PSMD2: variants seen among roughly 807,000 people sequenced by gnomAD.
The protein encoded by PSMD2 is 26S proteasome non-ATPase regulatory subunit 2.
In PSMD2, 8 loss-of-function variants were observed where a neutral mutation model predicts 101.5. The observed-to-expected ratio is 0.08, with a 90% confidence interval of 0.05 to 0.14. PSMD2 has a LOEUF of 0.14. PSMD2 is among the 10% of genes least tolerant of loss of function. The pLI, the probability that PSMD2 is intolerant of heterozygous loss-of-function variation, is 1.00. For missense variants in PSMD2, 784 were observed against 1,147.4 expected, an observed-to-expected ratio of 0.68 and a Z score of 4.58; for synonymous variants, 418 against 433.8, an observed-to-expected ratio of 0.96 and a Z score of 0.45.
chr3:184,300,191 T>C, intron 2 of PSMD2, 89 bp from the exon 3 acceptor site: 1 of 1,312,632 alleles, frequency 7.6e-7, no homozygotes, highest in East Asian at 2.3e-5. Flanking sequence ...CAGCATTTCC[T>C]TGGAGGAGTT....
At position 184,300,461 on chromosome 3, in the gene PSMD2, C is replaced by G; in HGVS notation, c.357+17C>G. On this transcript the variant is annotated intron_variant, in intron 3 of 20. Transcript: ENST00000310118. ...GAGAATAAGGTAAAACTGTTTCAAA[C>G]CTGGTGGAGGCCTAGTTTAGGAATT... 2.5e-6 allele frequency: 4 copies of G among 1,608,952 alleles called. No homozygotes were observed. The highest frequency in any genetic ancestry group is 3.4e-6 in the Non-Finnish European group (4 of 1,177,296).
rs762992229 is a variant in PSMD2, at chr3:184,302,812, T to C, written c.997T>C (p.Leu333=). The part of the protein sequence containing the change: ...NVQLNSNFLA[L]ARELDIMEPK... Reference sequence around the variant, plus strand: ...ACAGCTCAACAGCAACTTCTTGGCCTTAGCTCGGGAGGTGAGACTGCCCTT... The same window carrying C: ...ACAGCTCAACAGCAACTTCTTGGCCCTAGCTCGGGAGGTGAGACTGCCCTT... Residue 333 remains leucine, a synonymous_variant, in exon 7 of 21, where the codon TTA becomes CTA. Transcript: ENST00000310118. 77 of 1,614,086 alleles carry C rather than the reference T, an allele frequency of 4.8e-5. No homozygotes were observed. Among genetic ancestry groups the C allele is most frequent in the Non-Finnish European group, 6.3e-5 (74 of 1,180,052 alleles).
At chr3:184,307,307 T>G in intron 16 of PSMD2, 50 bp from the exon 17 acceptor site, 1 of 1,592,126 alleles carries the variant, frequency 6.3e-7, no homozygotes, top group Non-Finnish European at 8.6e-7. Flanking sequence ...TGTAATGGAA[T>G]TTGTTTTTAC....
In PSMD2 at chr3:184,305,947, A is replaced by G. The variant is rs777363845; in HGVS notation, c.1702+17A>G. The stretch of plus-strand genomic sequence containing the variant: ...ACCACCTGGGTGAGGGGATGTTTCT[A>G]TTTGGGCAAAGAGCTGACAGTAACT... On this transcript the variant is annotated intron_variant, in intron 13 of 20. Coordinates refer to ENST00000310118, the MANE Select transcript of PSMD2 (RefSeq NM_002808.5). The G allele has an allele frequency of 4.3e-6, 7 of 1,613,888 alleles. No homozygotes were observed. Among genetic ancestry groups the G allele is most frequent in the South Asian group, 1.1e-5 (1 of 91,082 alleles).
In PSMD2 at chr3:184,300,292, T is replaced by A; in HGVS notation, c.205T>A (p.Ser69Thr). The part of the protein sequence containing the change: ...LVERLGEKDT[S>T]LYRPALEELR... ...GTCTCTTGATCAGGAGAAGGATACATCCCTGTATCGACCAGCGCTGGAGGA... is the reference window on the plus strand; with the variant it reads ...GTCTCTTGATCAGGAGAAGGATACAACCCTGTATCGACCAGCGCTGGAGGA... Residue 69 changes from serine (S) to threonine (T), a missense_variant, in exon 3 of 21, where the codon TCC becomes ACC. This residue lies in a region of PSMD2 where 196 missense variants were observed against 182.4 expected (regional missense o/e 1.07). Coordinates refer to ENST00000310118, the MANE Select transcript of PSMD2 (RefSeq NM_002808.5). 1.2e-6 allele frequency: 2 copies of A among 1,613,826 alleles called. No individual in the cohort carries two copies. Among genetic ancestry groups the A allele is most frequent in the South Asian group, 2.2e-5 (2 of 91,072 alleles).
In PSMD2 at chr3:184,304,110, G is replaced by T; in HGVS notation, c.1451+36G>T. 6.8e-6 allele frequency: 11 copies of T among 1,612,226 alleles called. No homozygotes were observed. Among genetic ancestry groups the T allele is most frequent in the Non-Finnish European group, 8.5e-6 (10 of 1,178,886 alleles). ...TCGCTTGTCTTTCTGGTAGTGCTCA[G>T]CCTGTACACTCTGGAGAACAGGAAC... On this transcript the variant is annotated intron_variant, in intron 11 of 20. Transcript: ENST00000310118. The surrounding 1 kb of genome is among the most constrained non-coding windows in gnomAD (Gnocchi z 4.1).
At chr3:184,300,532 G>T in intron 3 of PSMD2, 88 bp downstream of exon 3, 1 of 1,522,820 alleles carries the variant, frequency 6.6e-7, no homozygotes, top group Non-Finnish European at 8.8e-7. Context: ...GTCACAGGAA[G>T]CCTGATAGAC....
rs1721830527 is a variant in PSMD2 at position 184,306,336 on chromosome 3, C to T, written c.1805-14C>T. The T allele has an allele frequency of 1.9e-6, 3 of 1,611,726 alleles. No homozygotes were observed. The South Asian group carries it at 3.3e-5, about 18-fold the overall frequency. ...TCTCATTTCTGTCCATTCTCCCTCA[C>T]CACCCTGACGCAGGCTCTGGGAATG... On this transcript the variant is annotated splice_polypyrimidine_tract_variant and intron_variant, in intron 14 of 20. Coordinates refer to ENST00000310118, the MANE Select transcript of PSMD2 (RefSeq NM_002808.5).
In PSMD2 at chr3:184,308,029, C is replaced by T. The variant is rs895398879; in HGVS notation, c.2425+13C>T. The T allele has an allele frequency of 2.5e-6, 4 of 1,613,410 alleles. No homozygotes were observed. Among genetic ancestry groups the T allele is most frequent in the Non-Finnish European group, 3.4e-6 (4 of 1,179,962 alleles). On this transcript the variant is annotated intron_variant, in intron 19 of 20. Transcript: ENST00000310118. This position sits in a 1 kb window ranked among gnomAD's most constrained non-coding sequence, Gnocchi z 6.0. ...GATGTTCGAAACAGTGAGTTCCTGT[C>T]AGAAATTTTATATCATAGCATGCAG... is the stretch of plus-strand genomic sequence containing the variant.
chr3:184,308,998 C>A lies in PSMD2; in HGVS notation c.*108C>A. 1 of 1,169,058 alleles carries A rather than the reference C, an allele frequency of 8.6e-7. No individual in the cohort carries two copies. Among genetic ancestry groups the A allele is most frequent in the Non-Finnish European group, 1.2e-6 (1 of 821,602 alleles). The allele number at this position is 1,169,058 out of a possible 1,614,324, so 72.4% of individuals were successfully genotyped here. Reference sequence around the variant, plus strand: ...CTTCTGGGGGAATTGTCGCCTCCTGCTCTTTTGTTACTGAGTGAGATAAGG... The same window carrying A: ...CTTCTGGGGGAATTGTCGCCTCCTGATCTTTTGTTACTGAGTGAGATAAGG... On this transcript the variant is annotated 3_prime_UTR_variant, in exon 21 of 21. Coordinates refer to ENST00000310118, the MANE Select transcript of PSMD2 (RefSeq NM_002808.5). The surrounding 1 kb of genome is among the most constrained non-coding windows in gnomAD (Gnocchi z 6.0).
Position 184,307,836 on chromosome 3 carries a change from G to T in PSMD2, c.2299-54G>T, listed in dbSNP as rs1721884882. 1.9e-6 allele frequency: 3 copies of T among 1,612,462 alleles called. No individual in the cohort carries two copies. The Admixed American group carries it at 5.0e-5, about 27-fold the overall frequency. ...GGAGATTTCTGTTTGGCTGGGTTAG[G>T]CGATGTCTCCTCAGTGGTAACTCCT... On this transcript the variant is annotated intron_variant, in intron 18 of 20. Coordinates refer to ENST00000310118, the MANE Select transcript of PSMD2 (RefSeq NM_002808.5).
At chr3:184,305,467 G>A (rs1482656844) in intron 12 of PSMD2, among the ~76,000 whole-genome samples, 1 of 143,162 alleles carries the variant, frequency 7.0e-6, no homozygotes, top group South Asian at 2.3e-4. Context: ...CCAGCCTAGC[G>A]ATAGAGCGAG....
chr3:184,308,358 T>G lies in PSMD2; in HGVS notation c.2426-91T>G. 9.4e-7 allele frequency: 1 copy of G among 1,060,296 alleles called. No homozygotes were observed. The highest frequency in any genetic ancestry group is 1.4e-6 in the Non-Finnish European group (1 of 723,290). The allele number at this position is 1,060,296 out of a possible 1,614,324, so 65.7% of individuals were successfully genotyped here. ...TGGATTCAGTCGTATGACTGACGGG[T>G]TAAAGGGTCAGCGCTGAGGTGGGCT... On this transcript the variant is annotated intron_variant, in intron 19 of 20. Transcript: ENST00000310118. The surrounding 1 kb of genome is among the most constrained non-coding windows in gnomAD (Gnocchi z 6.0).
In PSMD2 at chr3:184,308,426, T is replaced by A; in HGVS notation, c.2426-23T>A. 6.4e-7 allele frequency: 1 copy of A among 1,572,900 alleles called. No homozygotes were observed. Among genetic ancestry groups the A allele is most frequent in the Non-Finnish European group, 8.7e-7 (1 of 1,150,742 alleles). On this transcript the variant is annotated intron_variant, in intron 19 of 20. Coordinates refer to ENST00000310118, the MANE Select transcript of PSMD2 (RefSeq NM_002808.5). The surrounding 1 kb of genome is among the most constrained non-coding windows in gnomAD (Gnocchi z 6.0). ...GGCCTGTCTTTTTGTCTCTTAACTT[T>A]TTGTCCTGTCTGCTTCCCTCAGTTA...
At position 184,308,510 on chromosome 3, in the gene PSMD2, G is replaced by A. The variant is rs1721921481; in HGVS notation, c.2487G>A (p.Met829Ile). 1 of 1,613,222 alleles carries A rather than the reference G, an allele frequency of 6.2e-7. No individual in the cohort carries two copies. The highest frequency in any genetic ancestry group is 8.5e-7 in the Non-Finnish European group (1 of 1,180,006). ...YGLVAAMQPRMLVTFDEELRP... is the reference protein window; with the variant it reads ...YGLVAAMQPRILVTFDEELRP... Reference sequence around the variant, plus strand: ...TGGTGGCTGCCATGCAGCCCCGAATGCTGGTTACGTTTGATGAGGAGCTGC... The same window carrying A: ...TGGTGGCTGCCATGCAGCCCCGAATACTGGTTACGTTTGATGAGGAGCTGC... The change falls in exon 20 of 21, where the codon ATG becomes ATA. Residue 829 changes from methionine (M) to isoleucine (I), a missense_variant. This residue lies in a region of PSMD2 where 28 missense variants were observed against 80.8 expected (regional missense o/e 0.35). Coordinates refer to ENST00000310118, the MANE Select transcript of PSMD2 (RefSeq NM_002808.5). This position sits in a 1 kb window ranked among gnomAD's most constrained non-coding sequence, Gnocchi z 6.0.
At position 184,306,180 on chromosome 3, in the gene PSMD2, T is replaced by C. The variant is rs759748775; in HGVS notation, c.1804+25T>C. On this transcript the variant is annotated intron_variant, in intron 14 of 20. Coordinates refer to ENST00000310118, the MANE Select transcript of PSMD2 (RefSeq NM_002808.5). Reference sequence around the variant, plus strand: ...GGTCTGTGTCTTTATGAGTCTGTCTTGTGCTTCCCCAGTGACTCCTCACTT... The same window carrying C: ...GGTCTGTGTCTTTATGAGTCTGTCTCGTGCTTCCCCAGTGACTCCTCACTT... The C allele has an allele frequency of 1.9e-5, 31 of 1,612,536 alleles. No individual in the cohort carries two copies. In the Admixed American group the frequency reaches 5.0e-4, roughly 26 times the overall value.
chr3:184,299,612 C>T lies in PSMD2; in HGVS notation c.135+211C>T, dbSNP rs574283261. 8.3e-6 allele frequency: 6 copies of T among 722,934 alleles called. No individual in the cohort carries two copies. The East Asian group carries it at 1.2e-4, about 14-fold the overall frequency. The allele number at this position is 722,934 out of a possible 1,614,324, so 44.8% of individuals were successfully genotyped here. On this transcript the variant is annotated intron_variant, in intron 1 of 20. Coordinates refer to ENST00000310118, the MANE Select transcript of PSMD2 (RefSeq NM_002808.5). ...CGTCCCCACCAACCCTCACCACCGC[C>T]GCGTGAAGTGGACTCGGGCAGGTCA...
In PSMD2 at chr3:184,300,308, C is replaced by A; in HGVS notation, c.221C>A (p.Ala74Glu). 6.2e-7 allele frequency: 1 copy of A among 1,613,886 alleles called. No homozygotes were observed. Among genetic ancestry groups the A allele is most frequent in the Non-Finnish European group, 8.5e-7 (1 of 1,179,800 alleles). Residue 74 changes from alanine to glutamate, a missense_variant, in exon 3 of 21, where the codon GCG (alanine) becomes GAG (glutamate). By Grantham distance (107) the Ala-to-Glu change is moderately radical (BLOSUM62 -1). This residue lies in a region of PSMD2 where 196 missense variants were observed against 182.4 expected (regional missense o/e 1.07). Coordinates refer to ENST00000310118, the MANE Select transcript of PSMD2 (RefSeq NM_002808.5). ...AAGGATACATCCCTGTATCGACCAG[C>A]GCTGGAGGAATTGCGAAGGCAGATT... Reference protein sequence around the residue: ...GEKDTSLYRPALEELRRQIRS... With the variant: ...GEKDTSLYRPELEELRRQIRS...
chr3:184,306,475 G>T lies in PSMD2; in HGVS notation c.1930G>T (p.Ala644Ser). ...AGACAAGGACAAGAAGGAAGCCCCT[G>T]CTGACATGGGAGCACATCAGGTTAT... ...KKDKDKKEAP[A>S]DMGAHQGVAV... is the part of the protein sequence containing the mutation. The change falls in exon 15 of 21, where the codon GCT becomes TCT. Residue 644 changes from alanine to serine, a missense_variant. Coordinates refer to ENST00000310118, the MANE Select transcript of PSMD2 (RefSeq NM_002808.5). 6.2e-7 allele frequency: 1 copy of T among 1,614,024 alleles called. No individual in the cohort carries two copies. The highest frequency in any genetic ancestry group is 1.1e-5 in the South Asian group (1 of 91,076).
Sources: gnomAD v4.1 joint callset for allele counts (sites outside exome capture counted in the v4.1 genomes callset) on GRCh38, gnomAD v4.1.1 for gene constraint, gnomAD v4.1.1 regional missense constraint, Gnocchi (gnomAD v3.1) non-coding constraint, MANE v1.5 for transcripts, NCBI Gene and HGNC (gene_info 2026-07-23, HGNC 2026-07-21) for gene names.